Variants in EDARADD observed in about 807,000 individuals in gnomAD.
EDARADD encodes the protein EDAR associated via death domain.
A neutral mutation model predicts 25.6 loss-of-function variants in EDARADD; 20 were observed. The observed-to-expected ratio is 0.78, with a 90% CI of 0.55 to 1.14. The LOEUF is 1.14. EDARADD is among the 50% of genes most tolerant of loss of function. EDARADD has a pLI of 0.00. For synonymous variants in EDARADD, 86 were observed against 94.4 expected (o/e 0.91, Z 0.52); for missense variants, 225 against 270.1 (o/e 0.83, Z 1.17).
Position 236,394,489 on chromosome 1 carries a change from T to A in EDARADD, c.45T>A (p.Ala15=), listed in dbSNP as rs183580795. 1 of 1,614,066 alleles carries A rather than the reference T, an allele frequency of 6.2e-7. No individual in the cohort carries two copies. Among genetic ancestry groups the A allele is most frequent in the African/African-American group, 1.3e-5 (1 of 75,040 alleles). The change falls in exon 1 of 6, where the codon GCT becomes GCA. Residue 15 remains alanine, a synonymous_variant. Coordinates refer to ENST00000334232, the MANE Select transcript of EDARADD (RefSeq NM_145861.4). The part of the protein sequence containing the change: ...TTKQMGRGTK[A]PGHQEDHMVK... ...AACAGATGGGGAGAGGCACTAAAGC[T>A]CCTGGTCACCAAGAGGGTATGTAGG...
intron 3 of EDARADD, among the ~76,000 whole-genome samples, chr1:236,379,025 T>TA (rs71954009): frequency 1.5e-4 from 22 of 149,660 alleles, no homozygotes; most frequent in Non-Finnish European, 1.8e-4. Context: ...CTGATTGAAG[T>TA]AAAAAAAAAA....
At chr1:236,385,650 G>A (rs1409540589) in intron 3 of EDARADD, among the ~76,000 whole-genome samples, 1 of 151,944 alleles carries the variant, frequency 6.6e-6, no homozygotes, top group African/African-American at 2.4e-5. Flanking sequence ...CTTGAGCCCA[G>A]GAGACAGAGG....
intron 5 of EDARADD, among the ~76,000 whole-genome samples, chr1:236,477,481 C>T (rs904852744): frequency 2.6e-5 from 4 of 152,074 alleles, no homozygotes; most frequent in African/African-American, 7.2e-5. Context: ...ATAAGAAAAC[C>T]GTACAGTGTT....
intron 3 of EDARADD, among the ~76,000 whole-genome samples, chr1:236,416,442 T>C (rs904739138): frequency 6.6e-6 from 1 of 152,250 alleles, no homozygotes; most frequent in Non-Finnish European, 1.5e-5. Context: ...TTTGTCACTC[T>C]TAAGTGTGAT....
chr1:236,358,063 G>A (rs1264488773), intron 3 of EDARADD, among the ~76,000 whole-genome samples: 1 of 152,014 alleles, frequency 6.6e-6, no homozygotes, highest in Admixed American at 6.6e-5. Flanking sequence ...AAGAGATGGG[G>A]TTTTGCCATG....
At chr1:236,469,484 A>C (rs185743945) in intron 5 of EDARADD, among the ~76,000 whole-genome samples, 1 of 152,152 alleles carries the variant, frequency 6.6e-6, no homozygotes, top group Non-Finnish European at 1.5e-5. Context: ...AAAAAATGCT[A>C]GCAAAATAAT....
At chr1:236,465,526 C>G (rs193284442) in intron 4 of EDARADD, among the ~76,000 whole-genome samples, 1 of 152,268 alleles carries the variant, frequency 6.6e-6, no homozygotes, top group East Asian at 1.9e-4. Context: ...ATGTCTGTCT[C>G]CAAGAAACTG....
At chr1:236,404,257 C>T (rs6659240) in intron 1 of EDARADD, among the ~76,000 whole-genome samples, 64 of 152,274 alleles carry the variant, frequency 4.2e-4, no homozygotes, top group African/African-American at 1.5e-3. Flanking sequence ...TTAATAGTAT[C>T]GTAAACATGC....
At chr1:236,425,078 G>A (rs750336354) in intron 3 of EDARADD, among the ~76,000 whole-genome samples, 53 of 152,240 alleles carry the variant, frequency 3.5e-4, no homozygotes, top group Non-Finnish European at 5.9e-4. Context: ...AATACCAGTC[G>A]GTCTCCCTGG....
At chr1:236,424,855 A>G (rs932161657) in intron 3 of EDARADD, among the ~76,000 whole-genome samples, 2 of 152,224 alleles carry the variant, frequency 1.3e-5, no homozygotes, top group African/African-American at 4.8e-5. Context: ...CTTTTCTGCC[A>G]TGAGGGTTTT....
intron 5 of EDARADD, among the ~76,000 whole-genome samples, chr1:236,479,966 A>G (rs1199934065): frequency 4.6e-5 from 7 of 151,672 alleles, no homozygotes; most frequent in Non-Finnish European, 1.0e-4. Flanking sequence ...GAATTGCTTG[A>G]GCCCAGGAGT....
At position 236,468,228 on chromosome 1, in the gene EDARADD, T is replaced by C; in HGVS notation, c.220-3T>C. The C allele has an allele frequency of 6.2e-7, 1 of 1,613,976 alleles. No homozygotes were observed. On this transcript the variant is annotated splice_region_variant and splice_polypyrimidine_tract_variant and intron_variant, in intron 4 of 5. Coordinates refer to ENST00000334232, the MANE Select transcript of EDARADD (RefSeq NM_145861.4). Reference sequence around the variant, plus strand: ...TTAATGAAGGTTGCTTTTTGGTTTTTAGGGAGAAGAAAATGGCTTTCCAGA... The same window carrying C: ...TTAATGAAGGTTGCTTTTTGGTTTTCAGGGAGAAGAAAATGGCTTTCCAGA...
At chr1:236,443,263 A>G (rs1445577991) in intron 4 of EDARADD, among the ~76,000 whole-genome samples, 2 of 152,340 alleles carry the variant, frequency 1.3e-5, no homozygotes, top group African/African-American at 2.4e-5. Context: ...AAATGGACTA[A>G]TACAGCACCC....
At chr1:236,362,641 G>T (rs985820355) in intron 3 of EDARADD, among the ~76,000 whole-genome samples, 1 of 151,956 alleles carries the variant, frequency 6.6e-6, no homozygotes, top group Non-Finnish European at 1.5e-5. Flanking sequence ...GTCACCAAGG[G>T]TTTTCTCCTT....
At chr1:236,472,369 A>C (rs1365027425) in intron 5 of EDARADD, among the ~76,000 whole-genome samples, 4 of 152,188 alleles carry the variant, frequency 2.6e-5, no homozygotes, top group African/African-American at 9.6e-5. Flanking sequence ...GGGAGCTTTA[A>C]AAAATTCCCA....
intron 3 of EDARADD, among the ~76,000 whole-genome samples, chr1:236,376,285 C>G (rs1417220613): frequency 7.2e-5 from 11 of 152,164 alleles, no homozygotes; most frequent in Non-Finnish European, 1.5e-4. Flanking sequence ...ATCTGAGTTT[C>G]TGACCTATGT....
At chr1:236,402,611 G>C (rs1667633279) in intron 1 of EDARADD, among the ~76,000 whole-genome samples, 1 of 151,880 alleles carries the variant, frequency 6.6e-6, no homozygotes, top group Non-Finnish European at 1.5e-5. Flanking sequence ...AGGTCTCACT[G>C]TGTTGCCCAG....
At chr1:236,383,117 G>A (rs763668998) in intron 3 of EDARADD, among the ~76,000 whole-genome samples, 4 of 152,044 alleles carry the variant, frequency 2.6e-5, no homozygotes, top group Non-Finnish European at 5.9e-5. Context: ...AAGGAAGGCC[G>A]GGCGCAGTGG....
chr1:236,467,453 C>CAT (rs1553270583), intron 4 of EDARADD, among the ~76,000 whole-genome samples: 3 of 149,142 alleles, frequency 2.0e-5, no homozygotes, highest in East Asian at 4.1e-4. Context: ...CACACACACA[C>CAT]ACATACACAC....
Sources: allele counts gnomAD v4.1 joint callset (sites outside exome capture counted in the v4.1 genomes callset), GRCh38; gene constraint gnomAD v4.1.1; transcripts MANE v1.5; gene names NCBI Gene and HGNC (gene_info 2026-07-23, HGNC 2026-07-21).